Variants in SLC38A6 observed in about 807,000 individuals in gnomAD.
SLC38A6 encodes N system amino acid transporter NAT-1.
In SLC38A6, 73 loss-of-function variants were observed where a neutral mutation model predicts 65.0. The ratio of observed to expected loss-of-function variants is 1.12; its 90% CI spans 0.93 to 1.37. The LOEUF is 1.37. SLC38A6 is among the 40% of genes most tolerant of loss of function. The pLI is 0.00. For synonymous variants in SLC38A6, 183 were observed against 178.8 expected (o/e 1.02, Z -0.19); for missense variants, 561 against 531.1 (o/e 1.06, Z -0.55).
chr14:61,006,640 A>C (rs2039142403), intron 3 of SLC38A6, among the ~76,000 whole-genome samples: 1 of 152,252 alleles, frequency 6.6e-6, no homozygotes, highest in African/African-American at 2.4e-5. Flanking sequence ...ATCTCACACC[A>C]GTTAGAATGG....
intron 10 of SLC38A6, 130 bp from the exon 11 acceptor site, chr14:61,045,216 A>G (rs2042061690): frequency 1.6e-6 from 1 of 621,114 alleles, no homozygotes; most frequent in Non-Finnish European, 2.8e-6. Context: ...TTTTATAAAG[A>G]GAAGACTCAT....
In SLC38A6 at chr14:61,005,190, G is replaced by T. The variant is rs150841151; in HGVS notation, c.311-10714G>T. Among the ~76,000 whole-genome samples the T allele has an allele frequency of 8.9e-3, 1,361 of 152,082 alleles. 22 individuals are homozygous for T. Among genetic ancestry groups the T allele is most frequent in the African/African-American group, 0.031 (1,285 of 41,476 alleles). ...ATTGATGGGACGTATCTCCAAATTA[G>T]AAGAGCTATCTATGACAAACCCACA... On this transcript the variant is annotated intron_variant, in intron 3 of 15. Coordinates refer to ENST00000267488, the MANE Select transcript of SLC38A6 (RefSeq NM_153811.3).
chr14:61,043,603 A>T, intron 10 of SLC38A6, 100 bp downstream of exon 10: 1 of 760,014 alleles, frequency 1.3e-6, no homozygotes. Context: ...ACCTGTGACT[A>T]ATTAATTTTC....
At chr14:61,024,094 A>T (rs1594631986) in intron 5 of SLC38A6, among the ~76,000 whole-genome samples, 1 of 152,158 alleles carries the variant, frequency 6.6e-6, no homozygotes, top group Admixed American at 6.5e-5. Context: ...GAAAGCGTCT[A>T]CTGTTAGAAC....
intron 3 of SLC38A6, among the ~76,000 whole-genome samples, chr14:60,999,944 G>A (rs2038588557): frequency 1.3e-5 from 2 of 152,174 alleles, no homozygotes; most frequent in African/African-American, 4.8e-5. Context: ...TTTAAGCCAT[G>A]AAGTTTGTGA....
chr14:61,066,184 T>C (rs951169875), intron 15 of SLC38A6, among the ~76,000 whole-genome samples: 1 of 152,222 alleles, frequency 6.6e-6, no homozygotes, highest in Admixed American at 6.5e-5. Context: ...TTTATTCTTC[T>C]GATAATCTTC....
intron 16 of SLC38A6, among the ~76,000 whole-genome samples, chr14:61,082,531 G>A (rs1439356042): frequency 6.6e-6 from 1 of 152,142 alleles, no homozygotes; most frequent in African/African-American, 2.4e-5. Context: ...GCCGAGCTTA[G>A]GTGCCCCTTC....
At chr14:61,030,604 T>C in intron 6 of SLC38A6, 81 bp downstream of exon 6, 2 of 916,806 alleles carry the variant, frequency 2.2e-6, no homozygotes, top group Non-Finnish European at 3.4e-6. Context: ...GCAATACTTG[T>C]AGTGGCAGGT....
chr14:61,052,782 C>T (rs908903053), downstream of SLC38A6: 2 of 156,210 alleles, frequency 1.3e-5, no homozygotes, highest in African/African-American at 4.8e-5. Context: ...TCATGTGGTA[C>T]ATTTGTTACA....
chr14:61,060,893 G>A lies in SLC38A6; in HGVS notation c.1290+8758G>A, dbSNP rs7155305. ...GGGAGTGACCCGATTTTCCAGGTGC[G>A]TCCGTCACCCCTTTCTTTGACTCGG... is the stretch of plus-strand genomic sequence containing the variant. On this transcript the variant is annotated intron_variant, in intron 15 of 16. Transcript: ENST00000354886. Among the ~76,000 whole-genome samples, 1,045 of 140,560 alleles carry A rather than the reference G, an allele frequency of 7.4e-3. 19 individuals carry two copies. The highest frequency in any genetic ancestry group is 0.027 in the African/African-American group (981 of 36,890). 92.2% of individuals were successfully genotyped at this position (140,560 alleles called of 152,430 possible). A position where few individuals can be genotyped will look rare whatever the true frequency, so the allele number is the denominator to read the frequency against.
At chr14:61,083,667 C>A (rs927506374) in exon 17 of SLC38A6, 25 of 1,550,170 alleles carry the variant, frequency 1.6e-5, no homozygotes, top group Middle Eastern at 3.4e-4. Flanking sequence ...AACGTGTCCA[C>A]ACCTTGATCT....
chr14:61,026,192 A>G (rs1343572362), intron 5 of SLC38A6, among the ~76,000 whole-genome samples: 1 of 152,086 alleles, frequency 6.6e-6, no homozygotes, highest in East Asian at 1.9e-4. Context: ...CTTGGGAAGC[A>G]TTTTCAGAGT....
intron 3 of SLC38A6, among the ~76,000 whole-genome samples, chr14:61,015,302 A>G (rs529739090): frequency 1.3e-5 from 2 of 152,252 alleles, no homozygotes; most frequent in South Asian, 2.1e-4. Context: ...TGACTAGGAA[A>G]GGGAATTCCC....
At chr14:61,020,217 CAT>C (rs1238452427) in intron 5 of SLC38A6, among the ~76,000 whole-genome samples, 5 of 152,044 alleles carry the variant, frequency 3.3e-5, no homozygotes, top group East Asian at 1.9e-4. Flanking sequence ...ATATGGGTAT[CAT>C]GTGTGTATAT....
chr14:61,051,813 T>A lies in SLC38A6; in HGVS notation c.1077T>A (p.Phe359Leu), dbSNP rs749631340. The A allele has an allele frequency of 1.2e-6, 2 of 1,612,404 alleles. No individual in the cohort carries two copies. Among genetic ancestry groups the A allele is most frequent in the East Asian group, 4.5e-5 (2 of 44,766 alleles). ...CCAGAAAAGCTGTAACAATGATGTT[T>A]TTCTCCAATTTTCCATTCTCATGGA... ...FPARKAVTMM[F>L]FSNFPFSWIR... is the part of the protein sequence containing the mutation. Residue 359 changes from phenylalanine (F) to leucine (L), a missense_variant, in exon 14 of 16, where the codon TTT becomes TTA. By Grantham distance (22) the Phe-to-Leu change is conservative. Transcript: ENST00000267488.
At chr14:61,052,297 A>G in intron 15 of SLC38A6, 52 bp from the exon 16 acceptor site, 1 of 1,432,780 alleles carries the variant, frequency 7.0e-7, no homozygotes, top group Non-Finnish European at 9.4e-7. Context: ...GTATTTTTTT[A>G]TCTTTTTTCT....
chr14:61,062,116 C>T (rs2042867135), intron 15 of SLC38A6, among the ~76,000 whole-genome samples: 1 of 152,178 alleles, frequency 6.6e-6, no homozygotes, highest in African/African-American at 2.4e-5. Context: ...TGGGCATGAG[C>T]CACGATGCCC....
intron 3 of SLC38A6, among the ~76,000 whole-genome samples, chr14:61,006,194 C>T (rs1437370296): frequency 6.6e-6 from 1 of 152,190 alleles, no homozygotes; most frequent in Non-Finnish European, 1.5e-5. Flanking sequence ...GGATTAAAGA[C>T]TTAAACATTA....
chr14:60,989,693 C>T (rs1236011997), intron 3 of SLC38A6, among the ~76,000 whole-genome samples: 1 of 152,180 alleles, frequency 6.6e-6, no homozygotes. Flanking sequence ...TGTTGCACTT[C>T]AGCCTGGGGG....
Sources: allele counts gnomAD v4.1 joint callset (sites outside exome capture counted in the v4.1 genomes callset), GRCh38; gene constraint gnomAD v4.1.1; transcripts MANE v1.5; gene names NCBI Gene and HGNC (gene_info 2026-07-23, HGNC 2026-07-21).